GALNT17: variants seen among roughly 807,000 people sequenced by gnomAD.
GALNT17 encodes the protein polypeptide N-acetylgalactosaminyltransferase 17, also known as UDP-GalNAc:polypeptide N-acetylgalactosaminyltransferase-like 3.
In GALNT17, 29 loss-of-function variants were observed where a neutral mutation model predicts 63.7. The ratio of observed to expected loss-of-function variants is 0.46; its 90% CI spans 0.34 to 0.62. GALNT17 has a LOEUF of 0.62. GALNT17 is among the 20% of genes least tolerant of loss of function. The pLI is 0.01. For missense variants in GALNT17, 603 were observed against 799.6 expected (o/e 0.75, Z 2.97); for synonymous variants, 305 against 318.3 (o/e 0.96, Z 0.45).
At chr7:71,385,537 C>T (rs908694714) in intron 2 of GALNT17, among the ~76,000 whole-genome samples, 3 of 152,192 alleles carry the variant, frequency 2.0e-5, no homozygotes, top group Admixed American at 6.5e-5. Context: ...AGTTCCAGGG[C>T]TTGGGGGCAG....
rs1185977738 is a variant in GALNT17 at position 71,659,823 on chromosome 7, C to T, written c.1081-5588C>T. 2.6e-5 allele frequency among the ~76,000 whole-genome samples: 4 copies of T among 152,350 alleles called. No individual in the cohort carries two copies. In the East Asian group the frequency reaches 7.7e-4, roughly 29 times the overall value. ...CACAAGGTCATTGCAACTGTGCTGG[C>T]TGCCCCTGGGCTTGGGACTGTTGCC... On this transcript the variant is annotated intron_variant, in intron 6 of 10. Coordinates refer to ENST00000333538, the MANE Select transcript of GALNT17 (RefSeq NM_022479.3).
rs140719249 is a variant in GALNT17, at chr7:71,158,575, A to G, written c.238+25535A>G. Among the ~76,000 whole-genome samples the G allele has an allele frequency of 4.7e-3, 658 of 138,990 alleles. 16 individuals are homozygous for G. The highest frequency in any genetic ancestry group is 0.012 in the Middle Eastern group (3 of 258). The allele number at this position is 138,990 out of a possible 152,430, so 91.2% of individuals were successfully genotyped here. On this transcript the variant is annotated intron_variant, in intron 1 of 10. Transcript: ENST00000333538. ...ACGCCTGGCTAATTTTTCTGTTTTTATTTATTTATTTTTTTGTTTGAGATG... is the reference window on the plus strand; with the variant it reads ...ACGCCTGGCTAATTTTTCTGTTTTTGTTTATTTATTTTTTTGTTTGAGATG...
chr7:71,512,549 T>C (rs1788377963), intron 5 of GALNT17, among the ~76,000 whole-genome samples: 1 of 152,136 alleles, frequency 6.6e-6, no homozygotes, highest in Non-Finnish European at 1.5e-5. Flanking sequence ...TGAGCAGAAA[T>C]GTTCAAGACG....
intron 1 of GALNT17, among the ~76,000 whole-genome samples, chr7:71,263,223 G>A (rs1393218120): frequency 6.6e-6 from 1 of 151,986 alleles, no homozygotes; most frequent in Non-Finnish European, 1.5e-5. Flanking sequence ...ACTGGGTGTG[G>A]TGGCGGGTGC....
At chr7:71,505,046 A>G (rs1563142012) in intron 5 of GALNT17, among the ~76,000 whole-genome samples, 1 of 152,182 alleles carries the variant, frequency 6.6e-6, no homozygotes, top group Non-Finnish European at 1.5e-5. Context: ...ACACTGCATC[A>G]TGTAGTGGCC....
chr7:71,249,709 T>G (rs1420216614), intron 1 of GALNT17, among the ~76,000 whole-genome samples: 1 of 152,242 alleles, frequency 6.6e-6, no homozygotes, highest in Non-Finnish European at 1.5e-5. Context: ...AATTCACTTA[T>G]TTTTGGTTTC....
chr7:71,268,776 A>AG lies in GALNT17; in HGVS notation c.239-66773dup, dbSNP rs1418195853. 5.7e-4 allele frequency among the ~76,000 whole-genome samples: 87 copies of AG among 151,816 alleles called. 2 individuals carry two copies. Among genetic ancestry groups the AG allele is most frequent in the Admixed American group, 5.6e-3 (86 of 15,228 alleles). ...GATGTGACTTCTCTGGACTTGGAGG[A>AG]GCCTCGGTGAAGGTTGGGGTTGTGC... is the stretch of plus-strand genomic sequence containing the variant. On this transcript the variant is annotated intron_variant, in intron 1 of 10. Transcript: ENST00000333538.
intron 5 of GALNT17, among the ~76,000 whole-genome samples, chr7:71,565,954 T>C (rs942120812): frequency 1.3e-5 from 2 of 151,668 alleles, no homozygotes; most frequent in Non-Finnish European, 2.9e-5. Flanking sequence ...AGCGATTCTC[T>C]TGCCTCAGCC....
At chr7:71,548,744 G>A (rs1789027954) in intron 5 of GALNT17, among the ~76,000 whole-genome samples, 1 of 152,194 alleles carries the variant, frequency 6.6e-6, no homozygotes, top group Non-Finnish European at 1.5e-5. Context: ...CTTCATAGGA[G>A]TGTGAAAATG....
intron 1 of GALNT17, among the ~76,000 whole-genome samples, chr7:71,241,226 C>T (rs1789990198): frequency 6.6e-6 from 1 of 152,188 alleles, no homozygotes; most frequent in Admixed American, 6.5e-5. Context: ...TCTCTCCTCC[C>T]TGGTTTGGCG....
At chr7:71,372,844 T>C (rs1792650318) in intron 2 of GALNT17, among the ~76,000 whole-genome samples, 1 of 152,118 alleles carries the variant, frequency 6.6e-6, no homozygotes, top group South Asian at 2.1e-4. Flanking sequence ...CTACACACGA[T>C]GGGGAAAAGC....
chr7:71,365,274 T>C (rs1185440704), intron 2 of GALNT17, among the ~76,000 whole-genome samples: 1 of 151,474 alleles, frequency 6.6e-6, no homozygotes, highest in Non-Finnish European at 1.5e-5. Context: ...AGAGTCTCGC[T>C]CTGCTGCCAG....
rs71089940 is a variant in GALNT17 at position 71,374,834 on chromosome 7, A to ATTTT, written c.423-13381_423-13378dup. Among the ~76,000 whole-genome samples the ATTTT allele has an allele frequency of 1.1e-3, 118 of 109,646 alleles. 1 individual carries two copies. The highest frequency in any genetic ancestry group is 3.8e-3 in the African/African-American group (106 of 27,876). The allele number at this position is 109,646 out of a possible 152,430, so 71.9% of individuals were successfully genotyped here. ...TGCATTTGGCTTGTTCTTGAGGAGG[A>ATTTT]TTTTTTTTTTTTTTTTTTTTTTTGA... On this transcript the variant is annotated intron_variant, in intron 2 of 10. Coordinates refer to ENST00000333538, the MANE Select transcript of GALNT17 (RefSeq NM_022479.3).
At chr7:71,543,288 A>G (rs1788924724) in intron 5 of GALNT17, among the ~76,000 whole-genome samples, 1 of 152,186 alleles carries the variant, frequency 6.6e-6, no homozygotes, top group African/African-American at 2.4e-5. Flanking sequence ...CTTGCTTCCC[A>G]ATGTGCTAGA....
intron 9 of GALNT17, among the ~76,000 whole-genome samples, chr7:71,694,710 A>T (rs962962825): frequency 3.3e-5 from 5 of 152,186 alleles, no homozygotes; most frequent in Non-Finnish European, 7.3e-5. Flanking sequence ...TCCCCATTTT[A>T]AAAAATAAGG....
chr7:71,691,866 C>A (rs148036518), intron 9 of GALNT17, among the ~76,000 whole-genome samples: 9 of 63,736 alleles, frequency 1.4e-4, no homozygotes, highest in African/African-American at 4.4e-4. Context: ...TTCTTTCTTT[C>A]TTTCCTTTCT....
At chr7:71,345,326 C>T (rs1792072803) in intron 2 of GALNT17, among the ~76,000 whole-genome samples, 1 of 152,158 alleles carries the variant, frequency 6.6e-6, no homozygotes, top group African/African-American at 2.4e-5. Context: ...TTTCTCCTCT[C>T]AAACCATGTA....
At chr7:71,621,403 C>T (rs918588217) in intron 6 of GALNT17, among the ~76,000 whole-genome samples, 3 of 151,994 alleles carry the variant, frequency 2.0e-5, no homozygotes, top group South Asian at 4.2e-4. Flanking sequence ...GCATGGTGCC[C>T]GGTATGACAC....
At chr7:71,300,653 G>A (rs761988301) in intron 1 of GALNT17, 10 of 230,682 alleles carry the variant, frequency 4.3e-5, no homozygotes, top group South Asian at 3.0e-4. Context: ...CATGCTGCTA[G>A]GAAAAATTAA....
Sources: gnomAD v4.1 joint callset for allele counts (sites outside exome capture counted in the v4.1 genomes callset) on GRCh38, gnomAD v4.1.1 for gene constraint, MANE v1.5 for transcripts, NCBI Gene and HGNC (gene_info 2026-07-23, HGNC 2026-07-21) for gene names.